The following EYS variants were observed in gnomAD, a reference collection of about 807,000 sequenced individuals.
The protein encoded by EYS is protein eyes shut homolog.
In EYS, 250 loss-of-function variants were observed where a neutral mutation model predicts 282.1. The observed-to-expected ratio is 0.89, with a 90% CI of 0.80 to 0.98. The LOEUF is 0.98. EYS is among the 50% of genes least tolerant of loss of function. The pLI is 0.00. For synonymous variants in EYS, 1,355 were observed against 1,282.9 expected, an observed-to-expected ratio of 1.06 and a Z score of -1.20; for missense variants, 4,016 against 3,709.0, an observed-to-expected ratio of 1.08 and a Z score of -2.15.
rs572472988 is a variant in EYS at position 64,199,716 on chromosome 6, T to C, written c.6424+30876A>G. On this transcript the variant is annotated intron_variant, in intron 31 of 42. Coordinates refer to ENST00000503581, the MANE Select transcript of EYS (RefSeq NM_001142800.2). ...TAATATCCAGAATCTACAAAGAACT[T>C]AAACAAATTTACAAGAAAAAAAAAT... is the stretch of plus-strand genomic sequence containing the variant. Among the ~76,000 whole-genome samples the C allele has an allele frequency of 9.0e-4, 133 of 147,360 alleles. 1 individual carries two copies. Among genetic ancestry groups the C allele is most frequent in the Non-Finnish European group, 9.7e-4 (64 of 66,010 alleles).
intron 1 of EYS, among the ~76,000 whole-genome samples, chr6:65,686,085 C>T (rs182903764): frequency 6.6e-6 from 1 of 152,096 alleles, no homozygotes; most frequent in East Asian, 1.9e-4. Context: ...TCATGTTCTT[C>T]CCAGTGTCAC....
chr6:64,328,277 GA>G (rs1770504605), intron 29 of EYS, among the ~76,000 whole-genome samples: 1 of 152,196 alleles, frequency 6.6e-6, no homozygotes, highest in Admixed American at 6.5e-5. Context: ...AGTGGCTGGA[GA>G]ACAATGCACC....
intron 22 of EYS, among the ~76,000 whole-genome samples, chr6:64,689,784 C>G: frequency 6.6e-6 from 1 of 152,162 alleles, no homozygotes; most frequent in Non-Finnish European, 1.5e-5. Flanking sequence ...ATGTAGAAAG[C>G]TGAGACTGGA....
intron 34 of EYS, among the ~76,000 whole-genome samples, chr6:63,987,298 C>A (rs770177195): frequency 1.3e-4 from 19 of 151,584 alleles, no homozygotes; most frequent in Non-Finnish European, 2.2e-4. Flanking sequence ...TCTAGAACCC[C>A]CCAGTGTGTG....
intron 12 of EYS, among the ~76,000 whole-genome samples, chr6:65,163,326 TAA>T (rs1764895983): frequency 1.3e-5 from 2 of 151,352 alleles, no homozygotes; most frequent in South Asian, 4.1e-4. Context: ...GTTGTAACTA[TAA>T]AAGAGAGTTA....
chr6:64,557,739 G>T (rs77060202), intron 26 of EYS, among the ~76,000 whole-genome samples: 1 of 151,872 alleles, frequency 6.6e-6, no homozygotes, highest in Non-Finnish European at 1.5e-5. Context: ...ATTTATTATA[G>T]GGGTCAGCAA....
At chr6:64,240,053 C>A (rs1766750229) in intron 30 of EYS, among the ~76,000 whole-genome samples, 2 of 152,146 alleles carry the variant, frequency 1.3e-5, no homozygotes. Context: ...TTTCAAAGGT[C>A]AGATGGTTGT....
chr6:65,159,877 G>A (rs1764811280), intron 12 of EYS, among the ~76,000 whole-genome samples: 1 of 151,008 alleles, frequency 6.6e-6, no homozygotes, highest in Non-Finnish European at 1.5e-5. Context: ...AGAGAGAGAA[G>A]AGAGGGATGT....
chr6:64,931,120 T>C (rs552825070), intron 15 of EYS, among the ~76,000 whole-genome samples: 56 of 152,246 alleles, frequency 3.7e-4, no homozygotes, highest in Non-Finnish European at 2.9e-5. Flanking sequence ...ATATAGGTAG[T>C]TCAGTAACTT....
chr6:64,799,706 C>T (rs973310022), intron 22 of EYS, among the ~76,000 whole-genome samples: 11 of 150,256 alleles, frequency 7.3e-5, no homozygotes, highest in Non-Finnish European at 1.5e-4. Context: ...ACATTTATAC[C>T]TATGTCTGTA....
chr6:65,201,470 C>T (rs1270940304), intron 12 of EYS, among the ~76,000 whole-genome samples: 2 of 151,982 alleles, frequency 1.3e-5, no homozygotes, highest in African/African-American at 4.8e-5. Context: ...CTAAGTGGCT[C>T]CATTGGCTAG....
rs183328810 is a variant in EYS, at chr6:65,269,753, C to T, written c.2023+26110G>A. Among the ~76,000 whole-genome samples, 12 of 152,210 alleles carry T rather than the reference C, an allele frequency of 7.9e-5. No individual in the cohort carries two copies. In the South Asian group the frequency reaches 1.7e-3, roughly 21 times the overall value. ...TCCAAGTTTCAGACTGCTCACTTCT[C>T]GTGCATCTTCACATGGCAGACCGAG... On this transcript the variant is annotated intron_variant, in intron 12 of 42. Transcript: ENST00000503581.
intron 35 of EYS, 128 bp downstream of exon 35, chr6:63,984,255 G>A: frequency 1.5e-6 from 1 of 664,364 alleles, no homozygotes. Context: ...TTTAGGTGAT[G>A]CATAGAAAAA....
intron 2 of EYS, among the ~76,000 whole-genome samples, chr6:65,636,820 T>A (rs1767103942): frequency 6.6e-6 from 1 of 152,218 alleles, no homozygotes; most frequent in Non-Finnish European, 1.5e-5. Flanking sequence ...TAGTTATTTA[T>A]TTTTTGAGGC....
At chr6:63,966,557 G>A (rs764005541) in intron 35 of EYS, among the ~76,000 whole-genome samples, 1 of 152,154 alleles carries the variant, frequency 6.6e-6, no homozygotes, top group Non-Finnish European at 1.5e-5. Context: ...CATAAGAGCC[G>A]TTTCAGTAGA....
chr6:64,056,615 G>A (rs1287650969), intron 33 of EYS, among the ~76,000 whole-genome samples: 2 of 152,172 alleles, frequency 1.3e-5, no homozygotes, highest in Non-Finnish European at 2.9e-5. Context: ...CTAGTGAAAG[G>A]GATGAGTGAC....
chr6:65,662,550 C>T (rs1362023189), intron 1 of EYS, among the ~76,000 whole-genome samples: 1 of 152,140 alleles, frequency 6.6e-6, no homozygotes, highest in Non-Finnish European at 1.5e-5. Context: ...TTATTTTAAT[C>T]TACCATAAAA....
intron 11 of EYS, among the ~76,000 whole-genome samples, chr6:65,327,576 T>G (rs753320722): frequency 6.6e-6 from 1 of 151,642 alleles, no homozygotes; most frequent in Non-Finnish European, 1.5e-5. Context: ...TTTCTATTAA[T>G]AGTGCATTTT....
chr6:63,748,001 C>T (rs1472525406), intron 41 of EYS, among the ~76,000 whole-genome samples: 1 of 152,182 alleles, frequency 6.6e-6, no homozygotes, highest in Non-Finnish European at 1.5e-5. Context: ...ATGATGCTAG[C>T]TGGTTATTTT....
Sources: allele counts gnomAD v4.1 joint callset (sites outside exome capture counted in the v4.1 genomes callset), GRCh38; gene constraint gnomAD v4.1.1; transcripts MANE v1.5; gene names NCBI Gene and HGNC (gene_info 2026-07-23, HGNC 2026-07-21).